Variants in FAM3C observed in about 807,000 individuals in gnomAD.
FAM3C encodes protein FAM3C.
A neutral mutation model predicts 32.5 loss-of-function variants in FAM3C; 15 were observed. The ratio of observed to expected loss-of-function variants is 0.46; its 90% CI spans 0.31 to 0.71. The LOEUF (loss-of-function observed/expected upper bound fraction) is 0.71, where lower values mean the gene tolerates loss of function less well. Ranked by LOEUF, FAM3C falls within the 30% of genes least tolerant of loss-of-function variation. FAM3C has a pLI of 0.05. For missense variants in FAM3C, 175 were observed against 274.4 expected, an observed-to-expected ratio of 0.64 and a Z score of 2.56; for synonymous variants, 75 against 86.1, an observed-to-expected ratio of 0.87 and a Z score of 0.72.
At chr7:121,377,431 C>A (rs535595771) in intron 3 of FAM3C, among the ~76,000 whole-genome samples, 1 of 152,218 alleles carries the variant, frequency 6.6e-6, no homozygotes, top group South Asian at 2.1e-4. Context: ...AATCTCAGTT[C>A]TTTCATTTGA....
chr7:121,359,731 T>C (rs78168327), intron 8 of FAM3C, among the ~76,000 whole-genome samples: 157 of 152,092 alleles, frequency 1.0e-3, no homozygotes, highest in African/African-American at 3.7e-3. Context: ...AGCCCATAAC[T>C]GCTGATGAAC....
At chr7:121,373,534 T>C (rs1794186476) in intron 3 of FAM3C, among the ~76,000 whole-genome samples, 1 of 152,228 alleles carries the variant, frequency 6.6e-6, no homozygotes, top group African/African-American at 2.4e-5. Flanking sequence ...TTTCTGCATA[T>C]ACACTTCATT....
intron 8 of FAM3C, among the ~76,000 whole-genome samples, chr7:121,354,032 A>G (rs1268836117): frequency 6.6e-6 from 1 of 152,178 alleles, no homozygotes; most frequent in African/African-American, 2.4e-5. Context: ...TGATCTGCCT[A>G]TGTAGAATTT....
chr7:121,386,533 T>C (rs960031255), intron 1 of FAM3C, among the ~76,000 whole-genome samples: 3 of 151,804 alleles, frequency 2.0e-5, no homozygotes, highest in African/African-American at 7.3e-5. Flanking sequence ...CATAATCTCA[T>C]GAGCCAATCC....
intron 1 of FAM3C, among the ~76,000 whole-genome samples, chr7:121,388,760 T>C (rs1337180154): frequency 6.6e-6 from 1 of 152,128 alleles, no homozygotes; most frequent in Non-Finnish European, 1.5e-5. Context: ...CATCTAAATG[T>C]GGCTAAGAAA....
intron 1 of FAM3C, among the ~76,000 whole-genome samples, chr7:121,384,738 G>C (rs1383685110): frequency 1.3e-5 from 2 of 152,154 alleles, no homozygotes; most frequent in Non-Finnish European, 2.9e-5. Context: ...AAATGTCTCA[G>C]AGAATTCACA....
At chr7:121,383,088 C>A in intron 1 of FAM3C, 78 bp from the exon 2 acceptor site, 4 of 690,132 alleles carry the variant, frequency 5.8e-6, no homozygotes, top group South Asian at 3.9e-5. Flanking sequence ...TGAAATGGGG[C>A]ATATAAACTA....
chr7:121,390,508 A>G (rs1794552370), intron 1 of FAM3C, among the ~76,000 whole-genome samples: 1 of 152,150 alleles, frequency 6.6e-6, no homozygotes, highest in Non-Finnish European at 1.5e-5. Context: ...GGACTAACAA[A>G]TTAGCCACAA....
rs10676450 is a variant in FAM3C, at chr7:121,388,235, AAC to A, written c.-41-5227_-41-5226del. Among the ~76,000 whole-genome samples, 822 of 147,874 alleles carry A rather than the reference AAC, an allele frequency of 5.6e-3. 7 individuals are homozygous for A. The highest frequency in any genetic ancestry group is 0.032 in the East Asian group (161 of 5,030). On this transcript the variant is annotated intron_variant, in intron 1 of 9. Transcript: ENST00000359943. ...CTCTTTTAAAAGAAACCACCATTTT[AAC>A]ACACACACACACACACACACACACT...
At chr7:121,389,965 AC>A (rs1015341403) in intron 1 of FAM3C, among the ~76,000 whole-genome samples, 2 of 152,286 alleles carry the variant, frequency 1.3e-5, no homozygotes, top group African/African-American at 4.8e-5. Context: ...CCCCATATAC[AC>A]CTAAGTTGCA....
chr7:121,390,862 G>GC (rs1794563364), intron 1 of FAM3C, among the ~76,000 whole-genome samples: 1 of 32,846 alleles, frequency 3.0e-5, no homozygotes, highest in Non-Finnish European at 1.5e-4. Context: ...GCGGGGGGGG[G>GC]GGGGGGGGGG....
At chr7:121,358,935 G>C (rs1425213656) in intron 8 of FAM3C, among the ~76,000 whole-genome samples, 1 of 151,352 alleles carries the variant, frequency 6.6e-6, no homozygotes, top group Non-Finnish European at 1.5e-5. Flanking sequence ...TACAAGTCAA[G>C]ATAGGCCAAC....
intron 8 of FAM3C, among the ~76,000 whole-genome samples, chr7:121,353,992 A>G (rs1793760306): frequency 6.6e-6 from 1 of 152,206 alleles, no homozygotes; most frequent in African/African-American, 2.4e-5. Flanking sequence ...TTATAACAAG[A>G]TGACTTTGTC....
chr7:121,356,985 T>C (rs2536173), intron 8 of FAM3C, among the ~76,000 whole-genome samples: 38,495 of 152,082 alleles, frequency 0.25, 5,810 homozygotes, highest in African/African-American at 0.43. Context: ...AAGGAAAAGA[T>C]GTTTCTTTAG....
intron 3 of FAM3C, among the ~76,000 whole-genome samples, chr7:121,377,454 A>G (rs1470257056): frequency 6.6e-6 from 1 of 152,182 alleles, no homozygotes; most frequent in Non-Finnish European, 1.5e-5. Flanking sequence ...TCTGCCCACT[A>G]GACCAAAATA....
intron 1 of FAM3C, among the ~76,000 whole-genome samples, chr7:121,395,170 T>C (rs187027258): frequency 6.6e-6 from 1 of 152,134 alleles, no homozygotes; most frequent in Non-Finnish European, 1.5e-5. Context: ...TATATATGGA[T>C]ACATACATAT....
At chr7:121,363,857 A>C (rs757996965) in intron 6 of FAM3C, among the ~76,000 whole-genome samples, 5 of 152,144 alleles carry the variant, frequency 3.3e-5, no homozygotes, top group Non-Finnish European at 7.4e-5. Flanking sequence ...CCAAAATTTG[A>C]AGCAAGATTT....
intron 2 of FAM3C, among the ~76,000 whole-genome samples, chr7:121,379,529 G>A (rs559543402): frequency 9.9e-5 from 15 of 152,234 alleles, no homozygotes; most frequent in African/African-American, 3.6e-4. Flanking sequence ...AAGCCCTCCT[G>A]GTGTGGCGAT....
intron 2 of FAM3C, among the ~76,000 whole-genome samples, chr7:121,381,137 T>C (rs1221915393): frequency 6.6e-6 from 1 of 152,132 alleles, no homozygotes; most frequent in Non-Finnish European, 1.5e-5. Flanking sequence ...GGGCCTAACA[T>C]ACCAACCACA....
Sources: gnomAD v4.1 joint callset for allele counts (sites outside exome capture counted in the v4.1 genomes callset) on GRCh38, gnomAD v4.1.1 for gene constraint, MANE v1.5 for transcripts, NCBI Gene and HGNC (gene_info 2026-07-23, HGNC 2026-07-21) for gene names.